The following COG5 variants were observed in gnomAD, a reference collection of about 807,000 sequenced individuals.
COG5 encodes component of oligomeric golgi complex 5.
A neutral mutation model predicts 110.4 loss-of-function variants in COG5; 86 were observed. The ratio of observed to expected loss-of-function variants is 0.78; its 90% CI spans 0.65 to 0.93. The LOEUF is 0.93. Among genes scored for constraint, COG5 ranks in the 40% least tolerant of loss-of-function variants. The pLI, the probability that COG5 is intolerant of heterozygous loss-of-function variation, is 0.00. For missense variants in COG5, 1,077 were observed against 987.0 expected (o/e 1.09, Z -1.22); for synonymous variants, 360 against 334.6 (o/e 1.08, Z -0.83).
At chr7:107,279,680 T>C (rs1245040812) in intron 14 of COG5, among the ~76,000 whole-genome samples, 1 of 152,152 alleles carries the variant, frequency 6.6e-6, no homozygotes. Context: ...ATGATGTTTT[T>C]TATAATCTTA....
intron 1 of COG5, among the ~76,000 whole-genome samples, chr7:107,562,781 G>A (rs1462587867): frequency 6.6e-6 from 1 of 152,152 alleles, no homozygotes. Flanking sequence ...ATATTTAACA[G>A]TCAGAGAAAA....
In COG5 at chr7:107,339,118, A is replaced by G. The variant is rs1327012682; in HGVS notation, c.1027-14597T>C. Among the ~76,000 whole-genome samples, 8 of 152,098 alleles carry G rather than the reference A, an allele frequency of 5.3e-5. No individual in the cohort carries two copies. The South Asian group carries it at 1.4e-3, about 28-fold the overall frequency. Reference sequence around the variant, plus strand: ...AACAAACAAGATTCATCTATCTGCTATCTTCAAGAGACTGATCTCACATGC... The same window carrying G: ...AACAAACAAGATTCATCTATCTGCTGTCTTCAAGAGACTGATCTCACATGC... On this transcript the variant is annotated intron_variant, in intron 10 of 21. Coordinates refer to ENST00000297135, the MANE Select transcript of COG5 (RefSeq NM_006348.5).
intron 7 of COG5, among the ~76,000 whole-genome samples, chr7:107,381,265 C>G (rs534283591): frequency 5.3e-5 from 8 of 152,136 alleles, no homozygotes; most frequent in Non-Finnish European, 1.0e-4. Flanking sequence ...TTCCTGACAC[C>G]TGGCTTTTCA....
intron 19 of COG5, among the ~76,000 whole-genome samples, chr7:107,217,533 T>C (rs556998839): frequency 6.6e-6 from 1 of 152,278 alleles, no homozygotes; most frequent in East Asian, 1.9e-4. Flanking sequence ...AAGAGGATTA[T>C]TCACAATGAT....
At chr7:107,400,527 C>T (rs1401112655) in intron 7 of COG5, among the ~76,000 whole-genome samples, 2 of 152,052 alleles carry the variant, frequency 1.3e-5, no homozygotes, top group Non-Finnish European at 2.9e-5. Flanking sequence ...AGCAATTACA[C>T]ATAGACTAGA....
intron 6 of COG5, among the ~76,000 whole-genome samples, chr7:107,425,878 G>C (rs1233503192): frequency 6.6e-6 from 1 of 152,112 alleles, no homozygotes; most frequent in Admixed American, 6.5e-5. Context: ...TTTAAACATA[G>C]GACTGTTGCC....
intron 8 of COG5, among the ~76,000 whole-genome samples, chr7:107,364,298 G>C (rs1584732566): frequency 6.6e-6 from 1 of 152,102 alleles, no homozygotes; most frequent in African/African-American, 2.4e-5. Context: ...CAACAAAAAA[G>C]CCAGTGGTGC....
At chr7:107,527,196 A>G in intron 6 of COG5, 41 bp downstream of exon 6, 1 of 1,486,954 alleles carries the variant, frequency 6.7e-7, no homozygotes, top group South Asian at 1.3e-5. Context: ...AAATATTTAA[A>G]TCTCTACTAA....
chr7:107,325,479 T>C (rs1162782670), intron 10 of COG5, among the ~76,000 whole-genome samples: 2 of 152,032 alleles, frequency 1.3e-5, no homozygotes, highest in Non-Finnish European at 2.9e-5. Flanking sequence ...GGTGAAACCC[T>C]GTCTCTACTA....
At chr7:107,547,544 A>G (rs376918265) in intron 5 of COG5, among the ~76,000 whole-genome samples, 5 of 152,322 alleles carry the variant, frequency 3.3e-5, no homozygotes, top group African/African-American at 1.2e-4. Context: ...GCAAGTGAGA[A>G]ATAAAAGGCA....
At chr7:107,519,038 C>T (rs1265984497) in intron 6 of COG5, among the ~76,000 whole-genome samples, 2 of 152,142 alleles carry the variant, frequency 1.3e-5, no homozygotes, top group East Asian at 3.8e-4. Flanking sequence ...AACAACCGCT[C>T]CTAAATGACT....
At chr7:107,251,471 C>A (rs943016973) in intron 16 of COG5, among the ~76,000 whole-genome samples, 15 of 151,960 alleles carry the variant, frequency 9.9e-5, no homozygotes, top group African/African-American at 3.6e-4. Flanking sequence ...TCTTTTGTTT[C>A]TTTTCTTAAT....
At position 107,557,522 on chromosome 7, in the gene COG5, C is replaced by T. The variant is rs938168458; in HGVS notation, c.234+454G>A. On this transcript the variant is annotated intron_variant, in intron 2 of 21. Transcript: ENST00000297135. Reference sequence around the variant, plus strand: ...AACAACAGCATAGCTGAAATTAGGACCCGTCGCCTAACATCTCATATTGTA... The same window carrying T: ...AACAACAGCATAGCTGAAATTAGGATCCGTCGCCTAACATCTCATATTGTA... 5.9e-5 allele frequency among the ~76,000 whole-genome samples: 9 copies of T among 152,280 alleles called. 1 individual carries two copies. In the South Asian group the frequency reaches 1.9e-3, roughly 32 times the overall value.
chr7:107,323,380 A>G (rs1421373685), intron 11 of COG5, among the ~76,000 whole-genome samples: 1 of 152,028 alleles, frequency 6.6e-6, no homozygotes, highest in Non-Finnish European at 1.5e-5. Flanking sequence ...AATACAAAAA[A>G]ATTAGCCAGG....
chr7:107,220,007 C>A (rs1045733529), intron 19 of COG5, among the ~76,000 whole-genome samples: 1 of 152,150 alleles, frequency 6.6e-6, no homozygotes, highest in African/African-American at 2.4e-5. Flanking sequence ...ATTACATCCC[C>A]ATTTTACAGA....
At chr7:107,483,387 A>T (rs1396841384) in intron 6 of COG5, among the ~76,000 whole-genome samples, 2 of 152,160 alleles carry the variant, frequency 1.3e-5, no homozygotes, top group Non-Finnish European at 2.9e-5. Flanking sequence ...ATTGAAAATC[A>T]GCTGCTAGTG....
At chr7:107,514,831 GT>G (rs1321558607) in intron 6 of COG5, among the ~76,000 whole-genome samples, 6 of 152,050 alleles carry the variant, frequency 3.9e-5, no homozygotes, top group African/African-American at 1.4e-4. Flanking sequence ...AATGACCAAA[GT>G]TTTTTTTATT....
chr7:107,543,339 G>T (rs796238233), intron 5 of COG5, among the ~76,000 whole-genome samples: 13 of 152,318 alleles, frequency 8.5e-5, no homozygotes, highest in African/African-American at 3.1e-4. Context: ...TCGTTGAGGA[G>T]AGAAAAGAGA....
chr7:107,344,135 C>G (rs1811402829), intron 10 of COG5, among the ~76,000 whole-genome samples: 1 of 152,186 alleles, frequency 6.6e-6, no homozygotes, highest in Admixed American at 6.5e-5. Context: ...GACTTCCGCT[C>G]TCTAACTATG....
Sources: allele counts gnomAD v4.1 joint callset (sites outside exome capture counted in the v4.1 genomes callset), GRCh38; gene constraint gnomAD v4.1.1; transcripts MANE v1.5; gene names NCBI Gene and HGNC (gene_info 2026-07-23, HGNC 2026-07-21).